Variants in CAMK1D observed in about 807,000 individuals in gnomAD.
CAMK1D encodes calcium/calmodulin dependent protein kinase ID.
CAMK1D carries 9 observed loss-of-function variants against 47.7 expected under a neutral mutation model. The ratio of observed to expected loss-of-function variants is 0.19; its 90% CI spans 0.11 to 0.33. The LOEUF (loss-of-function observed/expected upper bound fraction) is 0.33. Ranked by LOEUF, CAMK1D falls within the 10% of genes least tolerant of loss-of-function variation. The pLI, the probability that CAMK1D is intolerant of heterozygous loss-of-function variation, is 1.00. For synonymous variants in CAMK1D, 184 were observed against 184.9 expected (o/e 0.99, Z 0.04); for missense variants, 291 against 488.7 (o/e 0.60, Z 3.81).
intron 3 of CAMK1D, among the ~76,000 whole-genome samples, chr10:12,750,306 ATCAC>A (rs1004603560): frequency 1.3e-3 from 197 of 152,316 alleles, no homozygotes; most frequent in African/African-American, 4.5e-3. Flanking sequence ...TGCTGTGCAT[ATCAC>A]TCACTCACTC....
At chr10:12,364,502 C>G (rs149458817) in intron 1 of CAMK1D, among the ~76,000 whole-genome samples, 6 of 152,056 alleles carry the variant, frequency 3.9e-5, no homozygotes, top group South Asian at 2.1e-4. Context: ...CTAGGCCTCC[C>G]GAAGTACTAG....
intron 1 of CAMK1D, among the ~76,000 whole-genome samples, chr10:12,448,671 A>G (rs1832992522): frequency 6.6e-6 from 1 of 152,190 alleles, no homozygotes; most frequent in African/African-American, 2.4e-5. Context: ...GACATCAGAT[A>G]TGTTGTTTTA....
chr10:12,662,534 C>G (rs1840303347), intron 2 of CAMK1D, among the ~76,000 whole-genome samples: 1 of 152,076 alleles, frequency 6.6e-6, no homozygotes, highest in Non-Finnish European at 1.5e-5. Flanking sequence ...CGCCTGTGGT[C>G]CCAGCTACCA....
intron 5 of CAMK1D, among the ~76,000 whole-genome samples, chr10:12,771,989 G>A (rs970776206): frequency 6.6e-6 from 1 of 151,836 alleles, no homozygotes; most frequent in Non-Finnish European, 1.5e-5. Flanking sequence ...GGCTGAGATT[G>A]CGCCACTGCA....
intron 2 of CAMK1D, among the ~76,000 whole-genome samples, chr10:12,563,246 T>C (rs1837000391): frequency 6.6e-6 from 1 of 152,048 alleles, no homozygotes; most frequent in African/African-American, 2.4e-5. Context: ...CTGCAGCTAC[T>C]TGGGAGGCTG....
chr10:12,463,955 C>G (rs2132059869), intron 1 of CAMK1D, among the ~76,000 whole-genome samples: 1 of 152,230 alleles, frequency 6.6e-6, no homozygotes, highest in East Asian at 1.9e-4. Flanking sequence ...CTTGCTTCCC[C>G]TTCTGCCTTG....
chr10:12,676,737 T>C (rs10906202), intron 3 of CAMK1D, among the ~76,000 whole-genome samples: 133,576 of 152,078 alleles, frequency 0.88, 58,906 homozygotes, highest in Non-Finnish European at 0.92. Flanking sequence ...AAAAAAGAAC[T>C]TCGTAGGTAC....
rs970971206 is a variant in CAMK1D, at chr10:12,829,418, T to C, written c.*531T>C. ...ATTTGTTTTTCCTCAAAGGAGAATT[T>C]AAAGGTATTTTTTAAAATTCTAATA... On this transcript the variant is annotated 3_prime_UTR_variant, in exon 11 of 11. Transcript: ENST00000619168. The C allele has an allele frequency of 3.9e-5, 6 of 152,534 alleles. No homozygotes were observed. The highest frequency in any genetic ancestry group is 1.4e-4 in the African/African-American group (6 of 41,428). 9.4% of individuals were successfully genotyped at this position (152,534 alleles called of 1,614,324 possible).
chr10:12,808,649 G>T (rs892458990), intron 6 of CAMK1D, among the ~76,000 whole-genome samples: 1 of 151,634 alleles, frequency 6.6e-6, no homozygotes, highest in Admixed American at 6.6e-5. Context: ...TAGTGTCAAG[G>T]TGCCTGTAAT....
chr10:12,477,986 C>T (rs998227145), intron 1 of CAMK1D, among the ~76,000 whole-genome samples: 2 of 151,222 alleles, frequency 1.3e-5, no homozygotes, highest in African/African-American at 4.8e-5. Context: ...CTCTTTATAT[C>T]ACCTTTTCTT....
intron 1 of CAMK1D, among the ~76,000 whole-genome samples, chr10:12,385,573 A>G (rs1344318130): frequency 6.6e-6 from 1 of 152,154 alleles, no homozygotes; most frequent in East Asian, 1.9e-4. Flanking sequence ...CAGAAAGTAG[A>G]TTAGTGGTTG....
intron 6 of CAMK1D, among the ~76,000 whole-genome samples, chr10:12,813,315 C>T (rs1588958449): frequency 6.6e-6 from 1 of 152,128 alleles, no homozygotes; most frequent in Non-Finnish European, 1.5e-5. Context: ...AGGTTATGTG[C>T]GTGACAATGT....
chr10:12,733,545 C>A (rs1834992250), intron 3 of CAMK1D, among the ~76,000 whole-genome samples: 3 of 152,158 alleles, frequency 2.0e-5, no homozygotes, highest in African/African-American at 7.2e-5. Flanking sequence ...GGGCTCATTT[C>A]ATCAATCCTC....
intron 2 of CAMK1D, among the ~76,000 whole-genome samples, chr10:12,563,959 A>C (rs1837035859): frequency 1.3e-5 from 2 of 152,270 alleles, no homozygotes; most frequent in Admixed American, 1.3e-4. Context: ...TTGGTGGTTT[A>C]AATTCCTCTA....
intron 2 of CAMK1D, among the ~76,000 whole-genome samples, chr10:12,652,451 G>C (rs992515481): frequency 2.6e-5 from 4 of 151,006 alleles, no homozygotes; most frequent in African/African-American, 7.3e-5. Flanking sequence ...AGCCGGGCGT[G>C]GTGGCGGGCG....
rs564111658 is a variant in CAMK1D, at chr10:12,746,638, T to A, written c.300-14310T>A. On this transcript the variant is annotated intron_variant, in intron 3 of 10. Coordinates refer to ENST00000619168, the MANE Select transcript of CAMK1D (RefSeq NM_153498.4). ...TCTCATTCCTTTTCTCTTTCCACAT[T>A]ATTTTTTCTGCCATCTGCTTTCCCT... Among the ~76,000 whole-genome samples, 10 of 152,286 alleles carry A rather than the reference T, an allele frequency of 6.6e-5. No individual in the cohort carries two copies. In the South Asian group the frequency reaches 2.1e-3, roughly 32 times the overall value.
intron 1 of CAMK1D, among the ~76,000 whole-genome samples, chr10:12,361,686 G>C (rs1837669815): frequency 6.7e-6 from 1 of 149,856 alleles, no homozygotes; most frequent in Admixed American, 6.7e-5. Flanking sequence ...CTCCCGAGTA[G>C]CTGGGATTAC....
chr10:12,596,140 G>A (rs987618255), intron 2 of CAMK1D, among the ~76,000 whole-genome samples: 4 of 152,150 alleles, frequency 2.6e-5, no homozygotes, highest in African/African-American at 9.7e-5. Flanking sequence ...AGTGAGGAGA[G>A]TGTGGGCATT....
intron 2 of CAMK1D, among the ~76,000 whole-genome samples, chr10:12,624,820 T>C (rs1286014875): frequency 6.6e-6 from 1 of 152,182 alleles, no homozygotes; most frequent in Non-Finnish European, 1.5e-5. Context: ...ATTTCTTCAT[T>C]TTACTCCTTT....
Sources: gnomAD v4.1 joint callset for allele counts (sites outside exome capture counted in the v4.1 genomes callset) on GRCh38, gnomAD v4.1.1 for gene constraint, MANE v1.5 for transcripts, NCBI Gene and HGNC (gene_info 2026-07-23, HGNC 2026-07-21) for gene names.